The following BSDC1 variants were observed in gnomAD, a reference collection of about 807,000 sequenced individuals.
The protein encoded by BSDC1 is BSD domain containing 1.
Under a neutral mutation model 56.0 loss-of-function variants are expected in BSDC1, and 29 were observed. The observed-to-expected ratio is 0.52, with a 90% confidence interval of 0.39 to 0.71. The LOEUF (loss-of-function observed/expected upper bound fraction) is 0.71. Ranked by LOEUF, BSDC1 falls within the 30% of genes least tolerant of loss-of-function variation. The pLI, the probability that BSDC1 is intolerant of heterozygous loss-of-function variation, is 0.00. For synonymous variants in BSDC1, 210 were observed against 215.3 expected, an observed-to-expected ratio of 0.98 and a Z score of 0.21; for missense variants, 477 against 548.5, an observed-to-expected ratio of 0.87 and a Z score of 1.30.
At position 32,386,797 on chromosome 1, in the gene BSDC1, CA is replaced by C. The variant is rs775267460; in HGVS notation, c.170del (p.Val57GlyfsTer18). The stretch of plus-strand genomic sequence containing the variant: ...TACTCACAGCCAGCTTCTCCTTGAC[CA>C]CGCTGGCCGTGGCTGCGATGGTACA... The part of the protein sequence containing the change: ...TACTIAATAS[V>X]VKEKLATEGS... On this transcript the variant is annotated frameshift_variant, in exon 3 of 11. Coordinates refer to ENST00000455895, the MANE Select transcript of BSDC1 (RefSeq NM_018045.8). LOFTEE classifies it high-confidence loss of function. The C allele has an allele frequency of 6.2e-7, 1 of 1,612,844 alleles. No individual in the cohort carries two copies. The highest frequency in any genetic ancestry group is 8.5e-7 in the Non-Finnish European group (1 of 1,179,964).
chr1:32,390,327 G>C (rs1009050882), intron 2 of BSDC1, among the ~76,000 whole-genome samples: 1 of 152,216 alleles, frequency 6.6e-6, no homozygotes, highest in Non-Finnish European at 1.5e-5. Context: ...TGTGAGTAAG[G>C]ACAATGCTAG....
At position 32,383,888 on chromosome 1, in the gene BSDC1, T is replaced by C. The variant is rs368930325; in HGVS notation, c.299A>G (p.Asp100Gly). 3.3e-5 allele frequency: 54 copies of C among 1,612,246 alleles called. No individual in the cohort carries two copies. The highest frequency in any genetic ancestry group is 4.2e-5 in the Non-Finnish European group (49 of 1,180,026). Residue 100 changes from aspartate to glycine, a missense_variant, in exon 4 of 11, where the codon GAT becomes GGT. Transcript: ENST00000455895. ...CGGTGTGCCCATCAGGGTGATGACA[T>C]CGCAGTCGATGGTTTTGTCTGGCGA... ...APSPDKTIDC[D>G]VITLMGTPSG...
intron 2 of BSDC1, among the ~76,000 whole-genome samples, chr1:32,391,250 C>T (rs533134093): frequency 6.6e-6 from 1 of 150,726 alleles, no homozygotes; most frequent in African/African-American, 2.5e-5. Context: ...ATTTGGCAAG[C>T]AGTAGGTAAA....
At chr1:32,381,401 T>A in intron 4 of BSDC1, 133 bp from the exon 5 acceptor site, 1 of 860,646 alleles carries the variant, frequency 1.2e-6, no homozygotes, top group Non-Finnish European at 1.9e-6. Flanking sequence ...CCAGGGCATC[T>A]GTTAATTAGC....
chr1:32,389,663 T>C (rs1431379041), intron 2 of BSDC1, among the ~76,000 whole-genome samples: 1 of 151,988 alleles, frequency 6.6e-6, no homozygotes, highest in African/African-American at 2.4e-5. Context: ...TTAAGAAGTA[T>C]TGATGTGGGC....
Position 32,376,570 on chromosome 1 carries a change from A to G in BSDC1, c.848T>C (p.Ile283Thr), listed in dbSNP as rs770288004. 6.5e-7 allele frequency: 1 copy of G among 1,530,642 alleles called. No homozygotes were observed. Among genetic ancestry groups the G allele is most frequent in the South Asian group, 1.3e-5 (1 of 78,856 alleles). The allele number at this position is 1,530,642 out of a possible 1,614,324, so 94.8% of individuals were successfully genotyped here. A position where few individuals can be genotyped will look rare whatever the true frequency, so the allele number is the denominator to read the frequency against. ...GTTGGCGATCTGTGTCACGAGGGAGATGCTCTCACTGCTCTCTGATGGAGT... is the reference window on the plus strand; with the variant it reads ...GTTGGCGATCTGTGTCACGAGGGAGGTGCTCTCACTGCTCTCTGATGGAGT... ...EVTPSESSES[I>T]SLVTQIANPA... The change falls in exon 9 of 11, where the codon ATC becomes ACC. Residue 283 changes from isoleucine to threonine, a missense_variant. Transcript: ENST00000455895.
intron 4 of BSDC1, among the ~76,000 whole-genome samples, chr1:32,382,856 T>G (rs1570146038): frequency 9.1e-6 from 1 of 109,650 alleles, no homozygotes. Context: ...GGTGACAGAG[T>G]GAGACCGTCT....
At chr1:32,384,616 GA>G (rs1350385780) in intron 3 of BSDC1, among the ~76,000 whole-genome samples, 1 of 152,094 alleles carries the variant, frequency 6.6e-6, no homozygotes, top group Non-Finnish European at 1.5e-5. Flanking sequence ...CAAAAGGTTG[GA>G]AACATATGGG....
At chr1:32,390,485 C>A (rs1014093296) in intron 2 of BSDC1, among the ~76,000 whole-genome samples, 3 of 152,222 alleles carry the variant, frequency 2.0e-5, no homozygotes, top group African/African-American at 4.8e-5. Flanking sequence ...AGATGCAGTA[C>A]TGCCAGCTAA....
In BSDC1 at chr1:32,376,249, C is replaced by G. The variant is rs1642276016; in HGVS notation, c.1156+13G>C. ...CCGCACACAACCCTCTGGGCTTGGA[C>G]CTCCAGACCTACCTTTCTTTCCATT... On this transcript the variant is annotated intron_variant, in intron 9 of 10. Transcript: ENST00000455895. The G allele has an allele frequency of 6.7e-7, 1 of 1,482,194 alleles. No homozygotes were observed. The highest frequency in any genetic ancestry group is 2.3e-5 in the East Asian group (1 of 43,486). The allele number at this position is 1,482,194 out of a possible 1,614,324, so 91.8% of individuals were successfully genotyped here. A position where few individuals can be genotyped will look rare whatever the true frequency, so the allele number is the denominator to read the frequency against.
chr1:32,369,835 C>A (rs1253658398), intron 9 of BSDC1, among the ~76,000 whole-genome samples: 1 of 152,244 alleles, frequency 6.6e-6, no homozygotes, highest in Non-Finnish European at 1.5e-5. Flanking sequence ...CTCTGTCACC[C>A]AGGCTGGAGT....
In BSDC1 at chr1:32,382,598, C is replaced by T. The variant is rs546941963; in HGVS notation, c.357+1232G>A. 1.6e-4 allele frequency among the ~76,000 whole-genome samples: 24 copies of T among 151,590 alleles called. No individual in the cohort carries two copies. The East Asian group carries it at 1.7e-3, about 11-fold the overall frequency. ...CAATGTGGCCAGGCGCGGTGGCTTA[C>T]GCCTGTAATCTCAGTACTTTAGGGG... On this transcript the variant is annotated intron_variant, in intron 4 of 10. Coordinates refer to ENST00000455895, the MANE Select transcript of BSDC1 (RefSeq NM_018045.8).
At position 32,376,447 on chromosome 1, in the gene BSDC1, C is replaced by T. The variant is rs1043762372; in HGVS notation, c.971G>A (p.Gly324Asp). ...AATAGGGGGTGAGGGTCCAGTCTCA[C>T]CCACATCCACAGCCAGGCCCTGTTC... ...LEEQGLAVDVGETGPSPPIHS... is the reference protein window; with the variant it reads ...LEEQGLAVDVDETGPSPPIHS... Residue 324 changes from glycine (G) to aspartate (D), a missense_variant, in exon 9 of 11, where the codon GGT (glycine) becomes GAT (aspartate). By Grantham distance (94) the Gly-to-Asp change is moderately conservative. Transcript: ENST00000455895. The T allele has an allele frequency of 1.9e-6, 3 of 1,613,082 alleles. No individual in the cohort carries two copies. Among genetic ancestry groups the T allele is most frequent in the Non-Finnish European group, 2.5e-6 (3 of 1,179,292 alleles).
intron 3 of BSDC1, among the ~76,000 whole-genome samples, chr1:32,384,983 C>T (rs956855855): frequency 1.3e-5 from 2 of 152,042 alleles, no homozygotes; most frequent in African/African-American, 2.4e-5. Context: ...AGCAGGTGGA[C>T]GGTATTTTAC....
At chr1:32,380,852 G>A (rs1642457183) in intron 5 of BSDC1, among the ~76,000 whole-genome samples, 1 of 152,124 alleles carries the variant, frequency 6.6e-6, no homozygotes, top group Non-Finnish European at 1.5e-5. Context: ...GTTGGACTAG[G>A]TGGAGGGTTT....
At chr1:32,386,244 G>A (rs1181376226) in intron 3 of BSDC1, among the ~76,000 whole-genome samples, 1 of 150,862 alleles carries the variant, frequency 6.6e-6, no homozygotes, top group African/African-American at 2.4e-5. Context: ...GCATGAACCC[G>A]GGAGGCGGAG....
At chr1:32,368,693 A>G in intron 9 of BSDC1, 143 bp from the exon 10 acceptor site, 1 of 1,245,320 alleles carries the variant, frequency 8.0e-7, no homozygotes, top group Non-Finnish European at 1.1e-6. Flanking sequence ...CTGGCGCACC[A>G]ATCGTACTTT....
At chr1:32,373,247 T>G (rs1347949794) in intron 9 of BSDC1, among the ~76,000 whole-genome samples, 1 of 152,230 alleles carries the variant, frequency 6.6e-6, no homozygotes, top group Admixed American at 6.5e-5. Flanking sequence ...GTGAGTCTTC[T>G]ATAGCACATC....
At chr1:32,394,198 T>A in intron 1 of BSDC1, 58 bp from the exon 2 acceptor site, 2 of 1,583,088 alleles carry the variant, frequency 1.3e-6, no homozygotes. Flanking sequence ...CGCCCAAGGA[T>A]CCGGTTTGTT....
Sources: allele counts gnomAD v4.1 joint callset (sites outside exome capture counted in the v4.1 genomes callset), GRCh38; gene constraint gnomAD v4.1.1; transcripts MANE v1.5; gene names NCBI Gene and HGNC (gene_info 2026-07-23, HGNC 2026-07-21).